Variants in HP observed in about 807,000 individuals in gnomAD.
HP encodes haptoglobin, also known as haptoglobin alpha(1S)-beta.
A neutral mutation model predicts 23.2 loss-of-function variants in HP; 9 were observed. The observed-to-expected ratio is 0.39, with a 90% CI of 0.23 to 0.68. HP has a LOEUF of 0.68. Among genes scored for constraint, HP ranks in the 30% least tolerant of loss-of-function variants. The pLI is 0.47. For synonymous variants in HP, 155 were observed against 183.3 expected (o/e 0.85, Z 1.25); for missense variants, 433 against 483.6 (o/e 0.90, Z 0.98).
At chr16:72,058,393 AC>A in intron 5 of HP, 38 bp downstream of exon 5, 2 of 474,444 alleles carry the variant, frequency 4.2e-6, no homozygotes, top group Non-Finnish European at 6.9e-6. Flanking sequence ...CCTACATACA[AC>A]CCCCTTCTCT....
chr16:72,055,801 G>A (rs2041450101), intron 1 of HP: 1 of 345,298 alleles, frequency 2.9e-6, no homozygotes, highest in South Asian at 2.4e-5. Flanking sequence ...CTCTTTCCTG[G>A]AGGGCTCCTG....
rs1487031453 is a variant in HP at position 72,060,447 on chromosome 16, G to A, written c.778G>A (p.Glu260Lys). Residue 260 changes from glutamate (E) to lysine (K), a missense_variant, in exon 7 of 7, where the codon GAG becomes AAG. Glu to Lys is a moderately conservative substitution (Grantham distance 56). Transcript: ENST00000355906. ...ACTCAAACAGAAGGTGTCTGTTAAT[G>A]AGAGAGTGATGCCCATCTGCCTACC... ...IKLKQKVSVNERVMPICLPSK... is the reference protein window; with the variant it reads ...IKLKQKVSVNKRVMPICLPSK... 1 of 1,614,162 alleles carries A rather than the reference G, an allele frequency of 6.2e-7. No homozygotes were observed. Among genetic ancestry groups the A allele is most frequent in the South Asian group, 1.1e-5 (1 of 91,078 alleles).
In HP at chr16:72,056,213, G is replaced by C. The variant is rs778283853; in HGVS notation, c.58G>C (p.Asp20His). 6.2e-7 allele frequency: 1 copy of C among 1,613,866 alleles called. No homozygotes were observed. Among genetic ancestry groups the C allele is most frequent in the Non-Finnish European group, 8.5e-7 (1 of 1,179,996 alleles). ...GCTCTGGGGACAGCTTTTTGCAGTGGACTCAGGCAATGATGTCACGGATAT... is the reference window on the plus strand; with the variant it reads ...GCTCTGGGGACAGCTTTTTGCAGTGCACTCAGGCAATGATGTCACGGATAT... ...LLLWGQLFAV[D>H]SGNDVTDIAD... The change falls in exon 2 of 7, where the codon GAC becomes CAC. Residue 20 changes from aspartate (D) to histidine (H), a missense_variant. This residue lies in a region of HP where 71 missense variants were observed against 54.2 expected (regional missense o/e 1.31). Transcript: ENST00000355906.
intron 6 of HP, 92 bp from the exon 7 acceptor site, chr16:72,060,020 C>T: frequency 6.3e-7 from 1 of 1,580,994 alleles, no homozygotes; most frequent in Non-Finnish European, 8.6e-7. Flanking sequence ...CTACTTTACG[C>T]AGCAGTGACA....
chr16:72,060,438 T>C lies in HP; in HGVS notation c.769T>C (p.Ser257Pro), dbSNP rs774785282. The C allele has an allele frequency of 2.4e-5, 38 of 1,613,990 alleles. No homozygotes were observed. The highest frequency in any genetic ancestry group is 1.0e-4 in the Admixed American group (6 of 60,006). The change falls in exon 7 of 7, where the codon TCT (serine) becomes CCT (proline). Residue 257 changes from serine (S) to proline (P), a missense_variant. Physicochemically the swap from Ser to Pro is moderately conservative, Grantham distance 74 (BLOSUM62 -1). Coordinates refer to ENST00000355906, the MANE Select transcript of HP (RefSeq NM_005143.5). ...GCTCATCAAACTCAAACAGAAGGTG[T>C]CTGTTAATGAGAGAGTGATGCCCAT... ...IGLIKLKQKVSVNERVMPICL... is the reference protein window; with the variant it reads ...IGLIKLKQKVPVNERVMPICL...
intron 6 of HP, chr16:72,059,475 C>T: frequency 4.1e-6 from 2 of 492,838 alleles, no homozygotes; most frequent in Non-Finnish European, 7.4e-6. Context: ...AGCCCTGGGT[C>T]TAAGGAGAAG....
rs1170964379 is a variant in HP at position 72,060,248 on chromosome 16, T to C, written c.579T>C (p.Asn193=). 1.2e-6 allele frequency: 2 copies of C among 1,614,042 alleles called. No individual in the cohort carries two copies. The highest frequency in any genetic ancestry group is 1.7e-6 in the Non-Finnish European group (2 of 1,180,046). ...TCACCACAGGTGCCACGCTGATCAA[T>C]GAACAATGGCTGCTGACCACGGCTA... ...HNLTTGATLI[N]EQWLLTTAKN... The change falls in exon 7 of 7, where the codon AAT becomes AAC. Residue 193 remains asparagine (N), a synonymous_variant. Coordinates refer to ENST00000355906, the MANE Select transcript of HP (RefSeq NM_005143.5).
At chr16:72,057,634 C>T in intron 4 of HP, 168 bp downstream of exon 4, 2 of 781,098 alleles carry the variant, frequency 2.6e-6, no homozygotes, top group Non-Finnish European at 3.9e-6. Flanking sequence ...TAGGTGATGA[C>T]TCCCTAAGGG....
At position 72,056,239 on chromosome 16, in the gene HP, C is replaced by T. The variant is rs774263546; in HGVS notation, c.84C>T (p.Ile28=). ...ACTCAGGCAATGATGTCACGGATAT[C>T]GCAGGTCAGTCTTTGGTTGGGTAGG... The part of the protein sequence containing the change: ...AVDSGNDVTD[I]ADDGCPKPPE... Residue 28 remains isoleucine (I), a synonymous_variant, in exon 2 of 7, where the codon ATC becomes ATT. Transcript: ENST00000355906. 8.7e-6 allele frequency: 14 copies of T among 1,613,728 alleles called. No individual in the cohort carries two copies. The highest frequency in any genetic ancestry group is 6.7e-5 in the East Asian group (3 of 44,822).
intron 1 of HP, 56 bp from the exon 2 acceptor site, chr16:72,056,105 A>C (rs369865416): frequency 8.4e-5 from 131 of 1,558,970 alleles, no homozygotes; most frequent in Non-Finnish European, 1.1e-4. Context: ...GGATGCATGC[A>C]TGTGCTGTGA....
chr16:72,059,388 G>C, intron 6 of HP, 200 bp downstream of exon 6: 2 of 747,628 alleles, frequency 2.7e-6, no homozygotes, highest in African/African-American at 1.8e-5. Flanking sequence ...ATTAGGGCCT[G>C]AAGGGCACTG....
chr16:72,060,928 T>C lies in HP; in HGVS notation c.*38T>C. 4 of 1,539,520 alleles carry C rather than the reference T, an allele frequency of 2.6e-6. No homozygotes were observed. Among genetic ancestry groups the C allele is most frequent in the Non-Finnish European group, 2.6e-6 (3 of 1,143,966 alleles). ...CGGAAGCCCTTGCCTGAAAGCAAGA[T>C]TTCAGCCTGGAAGAGGGCAAAGTGG... On this transcript the variant is annotated 3_prime_UTR_variant, in exon 7 of 7. Coordinates refer to ENST00000355906, the MANE Select transcript of HP (RefSeq NM_005143.5).
In HP at chr16:72,056,651, C is replaced by A. The variant is rs1356248362; in HGVS notation, c.190+20C>A. 1 of 936,424 alleles carries A rather than the reference C, an allele frequency of 1.1e-6. No homozygotes were observed. Among genetic ancestry groups the A allele is most frequent in the South Asian group, 1.6e-5 (1 of 62,642 alleles). 58.0% of individuals were successfully genotyped at this position (936,424 alleles called of 1,614,324 possible). On this transcript the variant is annotated intron_variant, in intron 3 of 6. Transcript: ENST00000355906. ...GAGATGGTAAGATGTGGACAACTGT[C>A]TCCATGCCCTACATACAACCCCCTT...
chr16:72,056,256 T>G lies in HP; in HGVS notation c.88+13T>G. The G allele has an allele frequency of 6.2e-7, 1 of 1,613,068 alleles. No individual in the cohort carries two copies. The highest frequency in any genetic ancestry group is 8.5e-7 in the Non-Finnish European group (1 of 1,179,228). On this transcript the variant is annotated intron_variant, in intron 2 of 6. Coordinates refer to ENST00000355906, the MANE Select transcript of HP (RefSeq NM_005143.5). ...ACGGATATCGCAGGTCAGTCTTTGG[T>G]TGGGTAGGAGTGTGCATCCCACTCT...
chr16:72,058,267 G>A lies in HP; in HGVS notation c.279G>A (p.Pro93=), dbSNP rs1400819967. 8 of 959,704 alleles carry A rather than the reference G, an allele frequency of 8.3e-6. 1 individual carries two copies. The highest frequency in any genetic ancestry group is 1.4e-5 in the South Asian group (1 of 74,022). The allele number at this position is 959,704 out of a possible 1,614,324, so 59.4% of individuals were successfully genotyped here. The change falls in exon 5 of 7, where the codon CCG becomes CCA. Residue 93 remains proline, a synonymous_variant. Transcript: ENST00000355906. ...CTCTCTTTGCAGATGACGGCTGCCC[G>A]AAGCCCCCCGAGATTGCACATGGCT... The part of the protein sequence containing the change: ...LPECEADDGC[P]KPPEIAHGYV...
Position 72,060,560 on chromosome 16 carries a change from G to T in HP, c.891G>T (p.Lys297Asn). ...ATTTTAAATTTACTGACCATCTGAA[G>T]TATGTCATGCTGCCTGTGGCTGACC... Reference protein sequence around the residue: ...NANFKFTDHLKYVMLPVADQD... With the variant: ...NANFKFTDHLNYVMLPVADQD... Residue 297 changes from lysine to asparagine, a missense_variant, in exon 7 of 7, where the codon AAG (lysine) becomes AAT (asparagine). This residue lies in a region of HP where 326 missense variants were observed against 358.1 expected (regional missense o/e 0.91). Transcript: ENST00000355906. 6.2e-7 allele frequency: 1 copy of T among 1,614,170 alleles called. No homozygotes were observed. Among genetic ancestry groups the T allele is most frequent in the Middle Eastern group, 1.7e-4 (1 of 6,060 alleles).
At position 72,060,824 on chromosome 16, in the gene HP, G is replaced by C. The variant is rs1392105481; in HGVS notation, c.1155G>C (p.Glu385Asp). 4.8e-5 allele frequency: 77 copies of C among 1,613,098 alleles called. No homozygotes were observed. The highest frequency in any genetic ancestry group is 6.3e-5 in the Non-Finnish European group (74 of 1,179,506). The stretch of plus-strand genomic sequence containing the variant: ...TTGATAAGAGCTGTGCTGTGGCTGA[G>C]TATGGTGTGTATGTGAAGGTGACTT... ...LSFDKSCAVA[E>D]YGVYVKVTSI... The change falls in exon 7 of 7, where the codon GAG becomes GAC. Residue 385 changes from glutamate to aspartate, a missense_variant. By Grantham distance (45) the Glu-to-Asp change is conservative (BLOSUM62 2). This residue lies in a region of HP where 326 missense variants were observed against 358.1 expected (regional missense o/e 0.91). Transcript: ENST00000355906.
intron 5 of HP, chr16:72,058,786 C>T (rs2041493453): frequency 2.8e-6 from 1 of 361,600 alleles, no homozygotes; most frequent in African/African-American, 3.1e-5. Flanking sequence ...GATAAGGAAA[C>T]TGAGGCACAG....
chr16:72,059,785 G>T, intron 6 of HP: 1 of 472,702 alleles, frequency 2.1e-6, no homozygotes, highest in Non-Finnish European at 3.8e-6. Flanking sequence ...CCCTTTCAAT[G>T]AATTTCAGGG....
Sources: gnomAD v4.1 joint callset for allele counts on GRCh38, gnomAD v4.1.1 for gene constraint, gnomAD v4.1.1 regional missense constraint, MANE v1.5 for transcripts, NCBI Gene and HGNC (gene_info 2026-07-23, HGNC 2026-07-21) for gene names.